The following BCAS3 variants were observed in gnomAD, a reference collection of about 807,000 sequenced individuals.
BCAS3 encodes BCAS3 microtubule associated cell migration factor.
BCAS3 carries 53 observed loss-of-function variants against 116.1 expected under a neutral mutation model. The observed-to-expected ratio is 0.46, with a 90% CI of 0.37 to 0.57. The LOEUF (loss-of-function observed/expected upper bound fraction) is 0.57. Among genes scored for constraint, BCAS3 ranks in the 20% least tolerant of loss-of-function variants. BCAS3 has a pLI of 0.00. For missense variants in BCAS3, 917 were observed against 1,165.4 expected (o/e 0.79, Z 3.10); for synonymous variants, 391 against 408.2 (o/e 0.96, Z 0.51).
intron 13 of BCAS3, among the ~76,000 whole-genome samples, chr17:60,938,711 AAGATAGAT>A (rs77328962): frequency 0.01 from 1,476 of 146,676 alleles, 12 homozygotes; most frequent in Middle Eastern, 0.027. Flanking sequence ...TTTCTGATAG[AAGATAGAT>A]AGATAGATAG....
chr17:61,217,964 G>T lies in BCAS3; in HGVS notation c.2425+133400G>T, dbSNP rs949773327. Among the ~76,000 whole-genome samples the T allele has an allele frequency of 6.6e-6, 1 of 152,062 alleles. No homozygotes were observed. The highest frequency in any genetic ancestry group is 1.5e-5 in the Non-Finnish European group (1 of 68,018). ...ACAACAGATCACTGATAATTTAGTG[G>T]ACTGGTTACCACCAGAATCCTTGGG... is the stretch of plus-strand genomic sequence containing the variant. On this transcript the variant is annotated intron_variant, in intron 22 of 23. Coordinates refer to ENST00000407086, the MANE Select transcript of BCAS3 (RefSeq NM_017679.5). This position sits in a 1 kb window ranked among gnomAD's most constrained non-coding sequence, Gnocchi z 5.2.
At chr17:60,986,946 A>G (rs1271114833) in intron 14 of BCAS3, 1 of 152,144 alleles carries the variant, frequency 6.6e-6, no homozygotes, top group Non-Finnish European at 1.5e-5. Flanking sequence ...GTTTTCTTGC[A>G]GTAGTTTCAT....
rs562731517 is a variant in BCAS3 at position 61,204,751 on chromosome 17, G to T, written c.2425+120187G>T. Among the ~76,000 whole-genome samples, 2 of 151,958 alleles carry T rather than the reference G, an allele frequency of 1.3e-5. No individual in the cohort carries two copies. The highest frequency in any genetic ancestry group is 2.9e-5 in the Non-Finnish European group (2 of 68,002). On this transcript the variant is annotated intron_variant, in intron 22 of 23. Transcript: ENST00000407086. The surrounding 1 kb of genome is among the most constrained non-coding windows in gnomAD (Gnocchi z 4.2). ...TATTAATAAGCATTTAGAAAAACTC[G>T]ACAAAAAATTAAAGAATTGGCCTGG...
Position 61,261,744 on chromosome 17 carries a change from C to A in BCAS3, c.2426-106583C>A, listed in dbSNP as rs2049222078. Among the ~76,000 whole-genome samples, 3 of 152,202 alleles carry A rather than the reference C, an allele frequency of 2.0e-5. No homozygotes were observed. Among genetic ancestry groups the A allele is most frequent in the Admixed American group, 2.0e-4 (3 of 15,276 alleles). ...TCACAACTCATATGAGGCTGTTTCA[C>A]TGTAGACTGAGATTGTCAAGACTTC... On this transcript the variant is annotated intron_variant, in intron 22 of 23. Transcript: ENST00000407086. The surrounding 1 kb of genome is among the most constrained non-coding windows in gnomAD (Gnocchi z 4.4).
rs978653498 is a variant in BCAS3, at chr17:61,259,075, A to T, written c.2426-109252A>T. Among the ~76,000 whole-genome samples, 1 of 152,232 alleles carries T rather than the reference A, an allele frequency of 6.6e-6. No homozygotes were observed. The highest frequency in any genetic ancestry group is 1.5e-5 in the Non-Finnish European group (1 of 68,034). On this transcript the variant is annotated intron_variant, in intron 22 of 23. Transcript: ENST00000407086. This position sits in a 1 kb window ranked among gnomAD's most constrained non-coding sequence, Gnocchi z 4.7. ...AAGTAAACTTGTTATTCTCTATTGG[A>T]TGCTAAAGAAGCTTTTCACTGTCTA...
In BCAS3 at chr17:61,188,454, T is replaced by C. The variant is rs952425733; in HGVS notation, c.2425+103890T>C. On this transcript the variant is annotated intron_variant, in intron 22 of 23. Transcript: ENST00000407086. The surrounding 1 kb of genome is among the most constrained non-coding windows in gnomAD (Gnocchi z 4.0). ...TTTATATTCTGGTATGGACCACAAG[T>C]CTGGGAGGCAAGTGGATTTTAGGTG... Among the ~76,000 whole-genome samples the C allele has an allele frequency of 6.6e-5, 10 of 152,228 alleles. No individual in the cohort carries two copies. In the East Asian group the frequency reaches 1.9e-3, roughly 29 times the overall value.
chr17:61,221,259 C>T (rs904633865), intron 22 of BCAS3, among the ~76,000 whole-genome samples: 3 of 152,168 alleles, frequency 2.0e-5, no homozygotes, highest in African/African-American at 7.2e-5. Flanking sequence ...CAGAATACTT[C>T]CTTCTAATGT....
chr17:60,752,287 G>T (rs2042548367), intron 6 of BCAS3, among the ~76,000 whole-genome samples: 1 of 151,524 alleles, frequency 6.6e-6, no homozygotes, highest in African/African-American at 2.4e-5. Context: ...ACATTGTATT[G>T]TATGGGTATT....
intron 4 of BCAS3, among the ~76,000 whole-genome samples, chr17:60,701,871 G>T (rs2143943422): frequency 6.6e-6 from 1 of 151,190 alleles, no homozygotes; most frequent in Non-Finnish European, 1.5e-5. Context: ...CTTCTTGGGA[G>T]ACTGAGGCAG....
At chr17:60,955,932 T>C (rs1478881487) in intron 14 of BCAS3, among the ~76,000 whole-genome samples, 1 of 152,202 alleles carries the variant, frequency 6.6e-6, no homozygotes, top group Non-Finnish European at 1.5e-5. Context: ...TGATTTTGAT[T>C]TGTTATTGAT....
chr17:60,685,476 A>G (rs530999547), intron 3 of BCAS3, among the ~76,000 whole-genome samples: 27 of 151,232 alleles, frequency 1.8e-4, no homozygotes, highest in African/African-American at 6.3e-4. Flanking sequence ...AAAAAAGAAC[A>G]TAGTCTTTGA....
In BCAS3 at chr17:60,854,738, C is replaced by T. The variant is rs564695514; in HGVS notation, c.477-13838C>T. 4.6e-5 allele frequency among the ~76,000 whole-genome samples: 7 copies of T among 152,230 alleles called. No individual in the cohort carries two copies. The South Asian group carries it at 1.5e-3, about 32-fold the overall frequency. On this transcript the variant is annotated intron_variant, in intron 7 of 23. Coordinates refer to ENST00000407086, the MANE Select transcript of BCAS3 (RefSeq NM_017679.5). Reference sequence around the variant, plus strand: ...GTGGAGAAATAGGAACACTTTTACACTGTTGGTGGGACGGTAAACTAGTTC... The same window carrying T: ...GTGGAGAAATAGGAACACTTTTACATTGTTGGTGGGACGGTAAACTAGTTC...
intron 7 of BCAS3, among the ~76,000 whole-genome samples, chr17:60,856,477 C>A (rs763485491): frequency 7.2e-5 from 11 of 152,012 alleles, no homozygotes; most frequent in Non-Finnish European, 1.6e-4. Flanking sequence ...TTACATGAGG[C>A]CAGTAGTTCG....
intron 22 of BCAS3, among the ~76,000 whole-genome samples, chr17:61,297,109 A>T (rs1244584927): frequency 6.6e-6 from 1 of 152,198 alleles, no homozygotes; most frequent in East Asian, 1.9e-4. Flanking sequence ...GCCTTCCGTA[A>T]GGTAGGGATA....
chr17:60,855,604 G>T (rs2053610278), intron 7 of BCAS3, among the ~76,000 whole-genome samples: 1 of 151,832 alleles, frequency 6.6e-6, no homozygotes, highest in Non-Finnish European at 1.5e-5. Context: ...ACAGGTGTGT[G>T]CCACCACGCC....
rs2076904990 is a variant in BCAS3, at chr17:61,141,333, G to A, written c.2425+56769G>A. 6.6e-6 allele frequency among the ~76,000 whole-genome samples: 1 copy of A among 152,120 alleles called. No individual in the cohort carries two copies. Among genetic ancestry groups the A allele is most frequent in the African/African-American group, 2.4e-5 (1 of 41,418 alleles). ...AGCATGTTGGGAGGCCAAAGTGGGA[G>A]GACCGCTTGAGACCAGGAATTTGAG... On this transcript the variant is annotated intron_variant, in intron 22 of 23. Transcript: ENST00000407086. The surrounding 1 kb of genome is among the most constrained non-coding windows in gnomAD (Gnocchi z 4.3).
At chr17:60,805,386 G>T (rs1000574502) in intron 6 of BCAS3, among the ~76,000 whole-genome samples, 3 of 151,984 alleles carry the variant, frequency 2.0e-5, no homozygotes, top group Non-Finnish European at 4.4e-5. Flanking sequence ...AGTATTGTAG[G>T]GGAGGAAAAC....
chr17:60,819,178 C>T (rs1403894387), intron 7 of BCAS3, among the ~76,000 whole-genome samples: 1 of 152,046 alleles, frequency 6.6e-6, no homozygotes, highest in Admixed American at 6.6e-5. Context: ...TTCATGACCC[C>T]AGTTCACTTA....
rs908846564 is a variant in BCAS3 at position 61,258,560 on chromosome 17, A to C, written c.2426-109767A>C. On this transcript the variant is annotated intron_variant, in intron 22 of 23. Coordinates refer to ENST00000407086, the MANE Select transcript of BCAS3 (RefSeq NM_017679.5). This position sits in a 1 kb window ranked among gnomAD's most constrained non-coding sequence, Gnocchi z 4.7. Reference sequence around the variant, plus strand: ...CGTTGTGTGGATTAAATGAAATTGCATGTAAAGTGCCTGGCACAAAACAGG... The same window carrying C: ...CGTTGTGTGGATTAAATGAAATTGCCTGTAAAGTGCCTGGCACAAAACAGG... Among the ~76,000 whole-genome samples, 1 of 152,266 alleles carries C rather than the reference A, an allele frequency of 6.6e-6. No individual in the cohort carries two copies. Among genetic ancestry groups the C allele is most frequent in the Non-Finnish European group, 1.5e-5 (1 of 68,052 alleles).
Sources: allele counts gnomAD v4.1 joint callset (sites outside exome capture counted in the v4.1 genomes callset), GRCh38; gene constraint gnomAD v4.1.1; non-coding constraint Gnocchi (gnomAD v3.1); transcripts MANE v1.5; gene names NCBI Gene and HGNC (gene_info 2026-07-23, HGNC 2026-07-21).